Variants in MTR observed in about 807,000 individuals in gnomAD.
MTR encodes the protein 5-methyltetrahydrofolate-homocysteine methyltransferase, also known as methionine synthase.
In MTR, 84 loss-of-function variants were observed where a neutral mutation model predicts 154.8. The observed-to-expected ratio is 0.54, with a 90% CI of 0.45 to 0.65. The LOEUF (loss-of-function observed/expected upper bound fraction) is 0.65, where lower values mean the gene tolerates loss of function less well. Ranked by LOEUF, MTR falls within the 30% of genes least tolerant of loss-of-function variation. MTR has a pLI of 0.00. For synonymous variants in MTR, 554 were observed against 553.9 expected (o/e 1.00, Z 0.00); for missense variants, 1,275 against 1,570.2 (o/e 0.81, Z 3.18).
chr1:236,897,310 G>GCGCGCGCGCGCGCACACA lies in MTR; in HGVS notation c.3711+193_3711+194insGCGCGCGCGCGCACACAC. 3.0e-4 allele frequency among the ~76,000 whole-genome samples: 39 copies of GCGCGCGCGCGCGCACACA among 128,682 alleles called. No individual in the cohort carries two copies. The East Asian group carries it at 5.5e-3, about 18-fold the overall frequency. The allele number at this position is 128,682 out of a possible 152,430, so 84.4% of individuals were successfully genotyped here. On this transcript the variant is annotated intron_variant, in intron 32 of 32. Coordinates refer to ENST00000366577, the MANE Select transcript of MTR (RefSeq NM_000254.3). ...ACTTCTACATGCAAGCCACACACAC[G>GCGCGCGCGCGCGCACACA]CACACACACACACACACACACACAC...
intron 18 of MTR, among the ~76,000 whole-genome samples, chr1:236,855,151 A>C (rs1664133763): frequency 2.0e-5 from 3 of 152,198 alleles, no homozygotes. Flanking sequence ...ATTATGAGGC[A>C]AATAAGAGTC....
At chr1:236,883,255 G>A (rs1316903519) in intron 25 of MTR, among the ~76,000 whole-genome samples, 1 of 152,194 alleles carries the variant, frequency 6.6e-6, no homozygotes, top group Non-Finnish European at 1.5e-5. Context: ...GAAAACACAT[G>A]ATGGATTTGA....
Position 236,899,584 on chromosome 1 carries a change from G to A in MTR, c.*1940G>A, listed in dbSNP as rs1666833738. The A allele has an allele frequency of 1.3e-5, 2 of 152,180 alleles. No homozygotes were observed. The highest frequency in any genetic ancestry group is 1.3e-4 in the Admixed American group (2 of 15,280). The allele number at this position is 152,180 out of a possible 1,614,324, so 9.4% of individuals were successfully genotyped here. ...AGTGTTTGGATGAAAAAAGCCTTAG[G>A]GCAGGAAAGAATCTCTTGAGACATA... On this transcript the variant is annotated 3_prime_UTR_variant, in exon 33 of 33. Coordinates refer to ENST00000366577, the MANE Select transcript of MTR (RefSeq NM_000254.3).
rs1018152954 is a variant in MTR at position 236,815,640 on chromosome 1, A to G, written c.646A>G (p.Lys216Glu). Residue 216 changes from lysine (K) to glutamate (E), a missense_variant, in exon 7 of 33, where the codon AAA becomes GAA. Physicochemically the swap from Lys to Glu is moderately conservative, Grantham distance 56. Coordinates refer to ENST00000366577, the MANE Select transcript of MTR (RefSeq NM_000254.3). Reference sequence around the variant, plus strand: ...TGCACTCCAAAATCTTTTTGAGGAGAAATATGCTCCCCGGCCTATCTTTGT... The same window carrying G: ...TGCACTCCAAAATCTTTTTGAGGAGGAATATGCTCCCCGGCCTATCTTTGT... ...LFALQNLFEE[K>E]YAPRPIFISG... The G allele has an allele frequency of 6.2e-7, 1 of 1,613,922 alleles. No homozygotes were observed. The highest frequency in any genetic ancestry group is 1.7e-5 in the Admixed American group (1 of 60,010).
At chr1:236,866,055 T>A (rs1229799487) in intron 22 of MTR, among the ~76,000 whole-genome samples, 1 of 152,208 alleles carries the variant, frequency 6.6e-6, no homozygotes, top group Non-Finnish European at 1.5e-5. Flanking sequence ...TTTTTTGACT[T>A]GAGTTGTAAA....
intron 15 of MTR, among the ~76,000 whole-genome samples, chr1:236,842,452 C>T (rs1432132413): frequency 2.6e-5 from 4 of 152,022 alleles, no homozygotes; most frequent in Non-Finnish European, 5.9e-5. Flanking sequence ...TCTTATATTT[C>T]TTTCCTGTTT....
chr1:236,897,230 T>G (rs1358723450), intron 32 of MTR, 112 bp downstream of exon 32: 2 of 889,964 alleles, frequency 2.2e-6, no homozygotes, highest in Non-Finnish European at 3.8e-6. Context: ...TGAAGAAATT[T>G]ACTCCAGTTA....
At chr1:236,825,191 A>G (rs1414283998) in intron 9 of MTR, 147 bp from the exon 10 acceptor site, 2 of 288,542 alleles carry the variant, frequency 6.9e-6, no homozygotes, top group Non-Finnish European at 1.2e-5. Flanking sequence ...CTCTTTGTTT[A>G]CTGTGTGAAT....
chr1:236,824,936 G>T (rs1224002705), intron 9 of MTR, among the ~76,000 whole-genome samples: 1 of 152,104 alleles, frequency 6.6e-6, no homozygotes, highest in Non-Finnish European at 1.5e-5. Flanking sequence ...GTTGATTTTT[G>T]TTTGTTTTTA....
intron 23 of MTR, among the ~76,000 whole-genome samples, chr1:236,874,215 A>G (rs549140671): frequency 3.9e-5 from 6 of 152,300 alleles, no homozygotes; most frequent in African/African-American, 1.2e-4. Context: ...TTTAAGTTAT[A>G]AATCTTATTT....
At chr1:236,879,887 C>T (rs1355176307) in intron 24 of MTR, among the ~76,000 whole-genome samples, 1 of 152,056 alleles carries the variant, frequency 6.6e-6, no homozygotes, top group Non-Finnish European at 1.5e-5. Flanking sequence ...GGCACAGTGG[C>T]TCATGCCTGT....
At chr1:236,855,080 G>A (rs938580538) in intron 18 of MTR, among the ~76,000 whole-genome samples, 3 of 152,172 alleles carry the variant, frequency 2.0e-5, no homozygotes, top group Non-Finnish European at 4.4e-5. Flanking sequence ...CTTGGGAGTC[G>A]CCAGCTCTGT....
intron 7 of MTR, 59 bp from the exon 8 acceptor site, chr1:236,816,390 T>C: frequency 7.0e-7 from 1 of 1,437,520 alleles, no homozygotes; most frequent in Non-Finnish European, 9.8e-7. Flanking sequence ...ATTTTGCCTT[T>C]ATATCTATAT....
intron 18 of MTR, among the ~76,000 whole-genome samples, chr1:236,859,611 G>A (rs1003336293): frequency 6.6e-6 from 1 of 152,142 alleles, no homozygotes; most frequent in African/African-American, 2.4e-5. Flanking sequence ...ATTTTACTCT[G>A]TCTCTACACT....
intron 12 of MTR, among the ~76,000 whole-genome samples, chr1:236,829,894 G>A (rs1662510765): frequency 6.6e-6 from 1 of 152,160 alleles, no homozygotes; most frequent in Non-Finnish European, 1.5e-5. Flanking sequence ...TTTTGCTTCA[G>A]TATGTTCATG....
chr1:236,897,324 A>G (rs989790431), intron 32 of MTR, among the ~76,000 whole-genome samples: 17 of 123,078 alleles, frequency 1.4e-4, no homozygotes, highest in Non-Finnish European at 1.6e-4. Flanking sequence ...ACACACACAC[A>G]CACACACACA....
chr1:236,811,574 T>C, intron 5 of MTR: 1 of 456,064 alleles, frequency 2.2e-6, no homozygotes, highest in South Asian at 1.6e-5. Context: ...TTGTGTGCTG[T>C]GATACCACAC....
chr1:236,799,956 T>C, intron 1 of MTR: 1 of 641,120 alleles, frequency 1.6e-6, no homozygotes, highest in South Asian at 7.0e-5. Flanking sequence ...GCCTATACGG[T>C]GGCTCAACAA....
chr1:236,859,757 T>A, intron 18 of MTR, 76 bp from the exon 19 acceptor site: 1 of 1,163,706 alleles, frequency 8.6e-7, no homozygotes, highest in Non-Finnish European at 1.3e-6. Flanking sequence ...TTTTTTTGTT[T>A]GTTTGTTTGT....
Sources: allele counts gnomAD v4.1 joint callset (sites outside exome capture counted in the v4.1 genomes callset), GRCh38; gene constraint gnomAD v4.1.1; transcripts MANE v1.5; gene names NCBI Gene and HGNC (gene_info 2026-07-23, HGNC 2026-07-21).